The following DLG2 variants were observed in gnomAD, a reference collection of about 807,000 sequenced individuals.
The protein encoded by DLG2 is discs large MAGUK scaffold protein 2, also known as disks large homolog 2.
DLG2 carries 45 observed loss-of-function variants against 132.5 expected under a neutral mutation model. The observed-to-expected ratio is 0.34, with a 90% CI of 0.27 to 0.44. The LOEUF is 0.44. Among genes scored for constraint, DLG2 ranks in the 20% least tolerant of loss-of-function variants. DLG2 has a pLI of 1.00. For synonymous variants in DLG2, 424 were observed against 419.6 expected, an observed-to-expected ratio of 1.01 and a Z score of -0.13; for missense variants, 1,045 against 1,196.9, an observed-to-expected ratio of 0.87 and a Z score of 1.87.
At chr11:84,506,252 T>C (rs989672245) in intron 7 of DLG2, among the ~76,000 whole-genome samples, 3 of 151,168 alleles carry the variant, frequency 2.0e-5, no homozygotes, top group Non-Finnish European at 2.9e-5. Flanking sequence ...ATTTTTTGTA[T>C]TTTTAGTAGA....
chr11:83,513,540 C>T (rs2095150983), intron 21 of DLG2, among the ~76,000 whole-genome samples: 1 of 152,108 alleles, frequency 6.6e-6, no homozygotes, highest in Admixed American at 6.6e-5. Context: ...TAATTAGATC[C>T]CATTTGTCAA....
chr11:84,088,425 T>C (rs2097029781), intron 10 of DLG2, among the ~76,000 whole-genome samples: 1 of 152,038 alleles, frequency 6.6e-6, no homozygotes, highest in African/African-American at 2.4e-5. Context: ...ACAAAGTTAT[T>C]AATATTTCGG....
At chr11:85,485,682 C>G (rs1400909834) in intron 3 of DLG2, among the ~76,000 whole-genome samples, 1 of 152,148 alleles carries the variant, frequency 6.6e-6, no homozygotes, top group African/African-American at 2.4e-5. Flanking sequence ...ACACTCTCAC[C>G]GCAGGCTTTT....
chr11:84,363,118 T>C (rs574893979), intron 7 of DLG2, among the ~76,000 whole-genome samples: 1,665 of 150,910 alleles, frequency 0.011, 36 homozygotes, highest in African/African-American at 0.038. Flanking sequence ...TAGTTTACAG[T>C]CCCACCAACA....
chr11:85,086,084 G>A (rs761598269), intron 6 of DLG2, among the ~76,000 whole-genome samples: 2 of 152,042 alleles, frequency 1.3e-5, no homozygotes, highest in Non-Finnish European at 2.9e-5. Flanking sequence ...CACTTAATCA[G>A]CTATTTTTTA....
At chr11:83,690,031 T>C (rs955279562) in intron 18 of DLG2, among the ~76,000 whole-genome samples, 1 of 146,206 alleles carries the variant, frequency 6.8e-6, no homozygotes, top group African/African-American at 2.5e-5. Context: ...AATATTTATG[T>C]AAATATAAAT....
intron 4 of DLG2, among the ~76,000 whole-genome samples, chr11:85,267,248 C>G (rs1460822647): frequency 6.6e-6 from 1 of 152,226 alleles, no homozygotes; most frequent in African/African-American, 2.4e-5. Flanking sequence ...ACACGGCTAT[C>G]TATAAACCAG....
At chr11:84,247,273 G>A (rs1159347910) in intron 8 of DLG2, among the ~76,000 whole-genome samples, 4 of 152,136 alleles carry the variant, frequency 2.6e-5, no homozygotes, top group Non-Finnish European at 5.9e-5. Context: ...TCAGTTGGTT[G>A]CAGAGTACCA....
chr11:85,066,088 T>A (rs1186727710), intron 6 of DLG2, among the ~76,000 whole-genome samples: 1 of 151,396 alleles, frequency 6.6e-6, no homozygotes, highest in Non-Finnish European at 1.5e-5. Context: ...AATTTTCAAA[T>A]AAGCAAAATC....
chr11:84,587,640 G>A (rs1176592081), intron 6 of DLG2, among the ~76,000 whole-genome samples: 3 of 152,022 alleles, frequency 2.0e-5, no homozygotes, highest in Non-Finnish European at 4.4e-5. Context: ...GCATCTGATG[G>A]CAGACTTGCT....
At chr11:84,545,613 C>T in intron 6 of DLG2, 1 of 335,230 alleles carries the variant, frequency 3.0e-6, no homozygotes, top group South Asian at 3.0e-5. Flanking sequence ...CAATATGGTA[C>T]TTCAATCTTA....
At chr11:83,538,390 T>A (rs77870003) in intron 20 of DLG2, among the ~76,000 whole-genome samples, 2,827 of 152,302 alleles carry the variant, frequency 0.019, 118 homozygotes, top group African/African-American at 0.065. Context: ...CAGTTGCTCA[T>A]AGAGACATCA....
intron 4 of DLG2, among the ~76,000 whole-genome samples, chr11:85,239,159 T>C (rs2075750388): frequency 6.6e-6 from 1 of 151,972 alleles, no homozygotes; most frequent in Admixed American, 6.6e-5. Context: ...ATAATGAGGG[T>C]TACACTACCT....
chr11:85,262,131 A>G (rs2076974434), intron 4 of DLG2, among the ~76,000 whole-genome samples: 1 of 152,198 alleles, frequency 6.6e-6, no homozygotes, highest in Admixed American at 6.5e-5. Flanking sequence ...GAGCTGCAAC[A>G]GAAGAGGTCA....
chr11:84,888,558 T>G (rs886535192), intron 6 of DLG2, among the ~76,000 whole-genome samples: 1 of 152,146 alleles, frequency 6.6e-6, no homozygotes, highest in Non-Finnish European at 1.5e-5. Context: ...CCAATTCTCA[T>G]AATAAATCTC....
At chr11:85,414,779 A>C (rs1430240519) in intron 3 of DLG2, among the ~76,000 whole-genome samples, 1 of 151,960 alleles carries the variant, frequency 6.6e-6, no homozygotes, top group African/African-American at 2.4e-5. Flanking sequence ...GGGTAGCTCC[A>C]GTGTTAGGTG....
intron 7 of DLG2, among the ~76,000 whole-genome samples, chr11:84,385,516 TAG>T (rs2098766299): frequency 6.6e-6 from 1 of 152,166 alleles, no homozygotes; most frequent in African/African-American, 2.4e-5. Context: ...CACAGATATT[TAG>T]AGTACTGTCA....
intron 9 of DLG2, among the ~76,000 whole-genome samples, chr11:84,120,563 G>T (rs1012452045): frequency 6.6e-6 from 1 of 152,218 alleles, no homozygotes; most frequent in African/African-American, 2.4e-5. Context: ...AGACTCACAT[G>T]ACAGTTCTGC....
At chr11:85,409,050 A>G (rs1043852076) in intron 3 of DLG2, among the ~76,000 whole-genome samples, 13 of 151,998 alleles carry the variant, frequency 8.6e-5, no homozygotes, top group Admixed American at 2.0e-4. Flanking sequence ...AAATTGAGTC[A>G]TTGAGAAATC....
Sources: allele counts gnomAD v4.1 joint callset (sites outside exome capture counted in the v4.1 genomes callset), GRCh38; gene constraint gnomAD v4.1.1; transcripts MANE v1.5; gene names NCBI Gene and HGNC (gene_info 2026-07-23, HGNC 2026-07-21).